Variants in ANKRD29 observed in about 807,000 individuals in gnomAD.
The protein encoded by ANKRD29 is ankyrin repeat domain-containing protein 29.
A neutral mutation model predicts 38.0 loss-of-function variants in ANKRD29; 32 were observed. The ratio of observed to expected loss-of-function variants is 0.84; its 90% CI spans 0.64 to 1.13. ANKRD29 has a LOEUF of 1.13. Among genes scored for constraint, ANKRD29 ranks in the 50% most tolerant of loss-of-function variants. The pLI is 0.00. For missense variants in ANKRD29, 357 were observed against 377.9 expected (o/e 0.94, Z 0.46); for synonymous variants, 135 against 152.4 (o/e 0.89, Z 0.84).
rs533367011 is a variant in ANKRD29, at chr18:23,616,417, C to T, written c.723+1315G>A. Among the ~76,000 whole-genome samples, 47 of 148,980 alleles carry T rather than the reference C, an allele frequency of 3.2e-4. 1 individual carries two copies. The South Asian group carries it at 8.5e-3, about 27-fold the overall frequency. ...AGTGGTGTGTGGCTGTAGTCCCAGCCGAGGCAGGAGGATTACTTGAGCGCA... is the reference window on the plus strand; with the variant it reads ...AGTGGTGTGTGGCTGTAGTCCCAGCTGAGGCAGGAGGATTACTTGAGCGCA... On this transcript the variant is annotated intron_variant, in intron 8 of 9. Coordinates refer to ENST00000592179, the MANE Select transcript of ANKRD29 (RefSeq NM_173505.4).
chr18:23,617,368 A>G (rs1233199396), intron 8 of ANKRD29, among the ~76,000 whole-genome samples: 3 of 152,206 alleles, frequency 2.0e-5, no homozygotes, highest in Non-Finnish European at 4.4e-5. Context: ...GGAACAAAAC[A>G]GAGTGGTTCT....
chr18:23,656,393 C>T (rs919226597), intron 1 of ANKRD29, among the ~76,000 whole-genome samples: 1 of 152,080 alleles, frequency 6.6e-6, no homozygotes, highest in Non-Finnish European at 1.5e-5. Flanking sequence ...CCTTTTTACA[C>T]GTAGGCTTTG....
intron 1 of ANKRD29, chr18:23,649,403 GTGT>G (rs2060182558): frequency 2.8e-6 from 2 of 704,278 alleles, no homozygotes; most frequent in African/African-American, 1.7e-5. Context: ...ATGAAGAGCA[GTGT>G]TGTTGATAAT....
intron 1 of ANKRD29, among the ~76,000 whole-genome samples, chr18:23,651,022 T>G (rs1006333541): frequency 5.3e-5 from 8 of 152,342 alleles, no homozygotes; most frequent in African/African-American, 1.9e-4. Flanking sequence ...TTAAATACAG[T>G]GCTTTTTCTA....
At chr18:23,648,666 G>C in intron 2 of ANKRD29, 1 of 387,524 alleles carries the variant, frequency 2.6e-6, no homozygotes, top group East Asian at 3.7e-5. Context: ...AAAATCCTGG[G>C]GGAGGCTTCA....
In ANKRD29 at chr18:23,602,633, C is replaced by G. The variant is rs539045543; in HGVS notation, c.823-1324G>C. ...GTTTTTAACTTATTAAAAATGAAAG[C>G]TGAGGGCTATGCGCAGTGGCTCACA... On this transcript the variant is annotated intron_variant, in intron 9 of 9. Transcript: ENST00000592179. Among the ~76,000 whole-genome samples the G allele has an allele frequency of 2.4e-4, 36 of 152,052 alleles. No individual in the cohort carries two copies. The East Asian group carries it at 5.8e-3, about 24-fold the overall frequency.
At chr18:23,612,015 G>C (rs2059648554) in intron 9 of ANKRD29, 77 bp downstream of exon 9, 5 of 1,317,752 alleles carry the variant, frequency 3.8e-6, no homozygotes, top group Non-Finnish European at 5.4e-6. Context: ...ACTGGAGCCA[G>C]GGAGATGTTT....
At chr18:23,611,026 A>G (rs1209354295) in intron 9 of ANKRD29, among the ~76,000 whole-genome samples, 1 of 152,250 alleles carries the variant, frequency 6.6e-6, no homozygotes, top group Admixed American at 6.5e-5. Flanking sequence ...CTCTGCTGCA[A>G]TCTATACATG....
chr18:23,657,443 T>A (rs2060299104), intron 1 of ANKRD29, among the ~76,000 whole-genome samples: 1 of 152,142 alleles, frequency 6.6e-6, no homozygotes, highest in African/African-American at 2.4e-5. Flanking sequence ...TAAAAATACT[T>A]AAAAAAATTG....
chr18:23,601,607 C>A (rs2059513243), intron 9 of ANKRD29, among the ~76,000 whole-genome samples: 1 of 152,162 alleles, frequency 6.6e-6, no homozygotes, highest in Non-Finnish European at 1.5e-5. Context: ...GCACAATGCC[C>A]AGCATGTCTA....
chr18:23,661,637 A>C (rs1360155283), intron 1 of ANKRD29, among the ~76,000 whole-genome samples: 1 of 152,204 alleles, frequency 6.6e-6, no homozygotes, highest in East Asian at 1.9e-4. Context: ...TGAACCCGGG[A>C]GGCGGAAGTT....
At chr18:23,604,329 T>G (rs887503247) in intron 9 of ANKRD29, among the ~76,000 whole-genome samples, 1 of 152,226 alleles carries the variant, frequency 6.6e-6, no homozygotes. Flanking sequence ...TGTATATTCC[T>G]TCCCTTAGGC....
chr18:23,613,164 A>ATTTT (rs546475443), intron 8 of ANKRD29, among the ~76,000 whole-genome samples: 35 of 99,056 alleles, frequency 3.5e-4, no homozygotes, highest in African/African-American at 5.9e-4. Context: ...ACGGGTCAGA[A>ATTTT]TTTTTTTTTT....
At chr18:23,616,550 G>C (rs894744336) in intron 8 of ANKRD29, among the ~76,000 whole-genome samples, 7 of 134,170 alleles carry the variant, frequency 5.2e-5, no homozygotes, top group Non-Finnish European at 9.2e-5. Flanking sequence ...TATATATATA[G>C]TATATATATA....
chr18:23,601,459 C>A, intron 9 of ANKRD29, 150 bp from the exon 10 acceptor site: 1 of 617,338 alleles, frequency 1.6e-6, no homozygotes, highest in Non-Finnish European at 2.9e-6. Flanking sequence ...TATTACAAAT[C>A]TTCTTTAAAT....
rs943842973 is a variant in ANKRD29 at position 23,637,466 on chromosome 18, C to T, written c.330+1383G>A. Among the ~76,000 whole-genome samples, 8 of 151,876 alleles carry T rather than the reference C, an allele frequency of 5.3e-5. 1 individual carries two copies. In the East Asian group the frequency reaches 7.8e-4, roughly 15 times the overall value. Reference sequence around the variant, plus strand: ...AGGCTGGAGTGCAGTGGCATGATCACGGCTCATTGCCGCCTTGACCTCTCG... The same window carrying T: ...AGGCTGGAGTGCAGTGGCATGATCATGGCTCATTGCCGCCTTGACCTCTCG... On this transcript the variant is annotated intron_variant, in intron 4 of 9. Coordinates refer to ENST00000592179, the MANE Select transcript of ANKRD29 (RefSeq NM_173505.4).
chr18:23,605,299 T>TCA (rs1308391025), intron 9 of ANKRD29, among the ~76,000 whole-genome samples: 15 of 151,950 alleles, frequency 9.9e-5, no homozygotes, highest in Non-Finnish European at 1.8e-4. Flanking sequence ...AGTGGTGCAA[T>TCA]CATAGCTCAT....
chr18:23,649,154 T>C lies in ANKRD29; in HGVS notation c.61A>G (p.Arg21Gly). Reference protein sequence around the residue: ...PLANAAFWAARRGNLALLKLL... With the variant: ...PLANAAFWAAGRGNLALLKLL... ...TTCAGCAGCGCCAGGTTTCCTCTCC[T>C]GGCTGCCCAGAATGCAGCATTGGCA... Residue 21 changes from arginine to glycine, a missense_variant, in exon 2 of 10, where the codon AGG (arginine) becomes GGG (glycine). Coordinates refer to ENST00000592179, the MANE Select transcript of ANKRD29 (RefSeq NM_173505.4). 1 of 1,614,174 alleles carries C rather than the reference T, an allele frequency of 6.2e-7. No homozygotes were observed.
At chr18:23,639,247 T>C (rs1261145890) in intron 3 of ANKRD29, among the ~76,000 whole-genome samples, 2 of 152,172 alleles carry the variant, frequency 1.3e-5, no homozygotes, top group Non-Finnish European at 2.9e-5. Context: ...GAGAAGAGCT[T>C]ATCCTGGGTT....
Sources: gnomAD v4.1 joint callset for allele counts (sites outside exome capture counted in the v4.1 genomes callset) on GRCh38, gnomAD v4.1.1 for gene constraint, MANE v1.5 for transcripts, NCBI Gene and HGNC (gene_info 2026-07-23, HGNC 2026-07-21) for gene names.